The following CHLSN variants were observed in gnomAD, a reference collection of about 807,000 sequenced individuals.
CHLSN encodes protein cholesin.
chr7:993,781 A>G, the CHLSN span, among the ~76,000 whole-genome samples: 1 of 152,132 alleles, frequency 6.6e-6, no homozygotes, highest in Non-Finnish European at 1.5e-5. Flanking sequence ...TGTCTCTAAA[A>G]AGATGCCACT....
the CHLSN span, among the ~76,000 whole-genome samples, chr7:1,124,857 G>A: frequency 6.6e-6 from 1 of 152,076 alleles, no homozygotes; most frequent in Non-Finnish European, 1.5e-5. Context: ...GCTGCCTGCT[G>A]ACCCGCTGCG....
the CHLSN span, among the ~76,000 whole-genome samples, chr7:1,050,414 C>T: frequency 7.2e-5 from 11 of 152,258 alleles, no homozygotes; most frequent in African/African-American, 1.9e-4. Context: ...GCTGCCCAGA[C>T]GGGCTGCCCA....
chr7:1,135,239 T>C, the CHLSN span, among the ~76,000 whole-genome samples: 1 of 152,254 alleles, frequency 6.6e-6, no homozygotes, highest in Middle Eastern at 3.4e-3. Context: ...AAATACCAAC[T>C]AGACGCTGAT....
the CHLSN span, chr7:985,081 C>G: frequency 1.2e-6 from 2 of 1,612,200 alleles, no homozygotes; most frequent in Non-Finnish European, 1.7e-6. Flanking sequence ...CCTCTCTGGG[C>G]AGCTGGATGG....
chr7:1,082,052 A>G, the CHLSN span: 1 of 152,388 alleles, frequency 6.6e-6, no homozygotes, highest in African/African-American at 2.4e-5. Context: ...ACTCCCACAC[A>G]AAGCGCCTGC....
At chr7:1,010,144 C>G in the CHLSN span, 1 of 1,607,734 alleles carries the variant, frequency 6.2e-7, no homozygotes, top group Non-Finnish European at 8.5e-7. Flanking sequence ...CAGCTTCGCC[C>G]TGAAAGTCAA....
At chr7:1,034,170 C>T in the CHLSN span, among the ~76,000 whole-genome samples, 4 of 152,312 alleles carry the variant, frequency 2.6e-5, no homozygotes, top group Non-Finnish European at 5.9e-5. Context: ...CCACCACCTA[C>T]GACTGCTCAG....
chr7:1,046,954 C>T, the CHLSN span, among the ~76,000 whole-genome samples: 1 of 152,234 alleles, frequency 6.6e-6, no homozygotes, highest in Middle Eastern at 3.2e-3. Flanking sequence ...CCTAGTAAAC[C>T]GGGGCTCGAC....
At chr7:1,027,750 T>C in the CHLSN span, among the ~76,000 whole-genome samples, 3 of 151,832 alleles carry the variant, frequency 2.0e-5, no homozygotes, top group Admixed American at 6.5e-5. Context: ...CGGGGTCCTC[T>C]ACCCCGGCAC....
At chr7:1,134,591 G>A in the CHLSN span, among the ~76,000 whole-genome samples, 1 of 149,712 alleles carries the variant, frequency 6.7e-6, no homozygotes, top group Non-Finnish European at 1.5e-5. Flanking sequence ...TAAATAGGCC[G>A]GGTGCGGTGG....
chr7:1,092,802 C>G, the CHLSN span: 2 of 1,613,388 alleles, frequency 1.2e-6, no homozygotes, highest in Non-Finnish European at 1.7e-6. Flanking sequence ...CCCTGAAGGC[C>G]GTCATTCCAG....
the CHLSN span, chr7:986,670 G>A: frequency 8.0e-5 from 129 of 1,612,512 alleles, no homozygotes; most frequent in Non-Finnish European, 1.0e-4. Context: ...CAGCTGCACC[G>A]GCCCGTCCTG....
At chr7:1,116,615 C>T in the CHLSN span, among the ~76,000 whole-genome samples, 2 of 81,780 alleles carry the variant, frequency 2.4e-5, no homozygotes, top group Middle Eastern at 0.013. Flanking sequence ...CCGACGCCCA[C>T]GCAGGATGAT....
the CHLSN span, among the ~76,000 whole-genome samples, chr7:1,053,424 G>A: frequency 1.8e-4 from 28 of 152,336 alleles, no homozygotes; most frequent in South Asian, 4.3e-3. Context: ...GGTCGGGCAC[G>A]CGTCACGAGT....
chr7:988,555 C>T, the CHLSN span: 1 of 1,597,874 alleles, frequency 6.3e-7, no homozygotes, highest in Non-Finnish European at 8.5e-7. Flanking sequence ...TGCTCCTGTG[C>T]TCCCCTGGGG....
At chr7:1,016,186 CCAGCACACAG>C in the CHLSN span, among the ~76,000 whole-genome samples, 1 of 60,416 alleles carries the variant, frequency 1.7e-5, no homozygotes, top group African/African-American at 1.4e-4. Context: ...GCAGCACACG[CCAGCACACAG>C]CAGCGCACGC....
the CHLSN span, among the ~76,000 whole-genome samples, chr7:1,008,419 G>A: frequency 2.6e-5 from 4 of 152,212 alleles, no homozygotes; most frequent in East Asian, 1.9e-4. Flanking sequence ...GGCCAAGCGC[G>A]TTCTTGGAGC....
At chr7:1,059,645 C>T in the CHLSN span, among the ~76,000 whole-genome samples, 1 of 29,806 alleles carries the variant, frequency 3.4e-5, no homozygotes, top group Non-Finnish European at 6.6e-5. Context: ...CTTAGTGAGG[C>T]AGGTCTTAGG....
At chr7:1,022,942 CTG>C in the CHLSN span, 1 of 465,282 alleles carries the variant, frequency 2.1e-6, no homozygotes, top group East Asian at 6.7e-5. Flanking sequence ...GGCGCAGACA[CTG>C]GGGCAGGCGC....
Sources: gnomAD v4.1 joint callset for allele counts (sites outside exome capture counted in the v4.1 genomes callset) on GRCh38, gnomAD v4.1.1 for gene constraint, MANE v1.5 for transcripts, NCBI Gene and HGNC (gene_info 2026-07-23, HGNC 2026-07-21) for gene names.